Variants in STT3B observed in about 807,000 individuals in gnomAD.
The protein encoded by STT3B is dolichyl-diphosphooligosaccharide--protein glycosyltransferase subunit STT3B.
STT3B carries 29 observed loss-of-function variants against 96.8 expected under a neutral mutation model. The ratio of observed to expected loss-of-function variants is 0.30; its 90% CI spans 0.22 to 0.41. STT3B has a LOEUF of 0.41. Among genes scored for constraint, STT3B ranks in the 10% least tolerant of loss-of-function variants. The pLI, the probability that STT3B is intolerant of heterozygous loss-of-function variation, is 1.00. For synonymous variants in STT3B, 367 were observed against 360.0 expected (o/e 1.02, Z -0.22); for missense variants, 640 against 1,022.3 (o/e 0.63, Z 5.10).
chr3:31,624,670 C>CT (rs35298613), intron 11 of STT3B, among the ~76,000 whole-genome samples: 4,621 of 131,558 alleles, frequency 0.035, 100 homozygotes, highest in Middle Eastern at 0.1. Context: ...TCAGAATCGG[C>CT]TTTTTTTTTT....
rs142677107 is a variant in STT3B, at chr3:31,579,998, A to G, written c.613A>G (p.Ile205Val). The G allele has an allele frequency of 5.6e-6, 9 of 1,613,652 alleles. No individual in the cohort carries two copies. The highest frequency in any genetic ancestry group is 1.3e-5 in the African/African-American group (1 of 74,866). The change falls in exon 3 of 16, where the codon ATT becomes GTT. Residue 205 changes from isoleucine (I) to valine (V), a missense_variant. Physicochemically the swap from Ile to Val is conservative, Grantham distance 29. Around this residue, in one of 8 missense-constraint regions of STT3B, gnomAD observed 267 missense variants for 388.3 expected, o/e 0.69. Coordinates refer to ENST00000295770, the MANE Select transcript of STT3B (RefSeq NM_178862.3). ...AGCAGGACTTTTAGCTGCTTGTTTT[A>G]TTGCTATTGTACCAGGCTACATATC... ...QGAGLLAACFIAIVPGYISRS... is the reference protein window; with the variant it reads ...QGAGLLAACFVAIVPGYISRS...
At chr3:31,573,224 T>G (rs2125450630) in intron 1 of STT3B, among the ~76,000 whole-genome samples, 1 of 152,324 alleles carries the variant, frequency 6.6e-6, no homozygotes, top group South Asian at 2.1e-4. Context: ...GACCATTATG[T>G]TAAGAAGTGG....
chr3:31,566,484 A>C (rs535423464), intron 1 of STT3B, among the ~76,000 whole-genome samples: 1 of 152,210 alleles, frequency 6.6e-6, no homozygotes, highest in African/African-American at 2.4e-5. Context: ...TTTTAAAACA[A>C]TAATTGTGCA....
chr3:31,586,639 C>G (rs1414291427), intron 3 of STT3B, among the ~76,000 whole-genome samples: 1 of 152,012 alleles, frequency 6.6e-6, no homozygotes, highest in East Asian at 1.9e-4. Context: ...AAAGATTGTT[C>G]TTTCTCCACT....
chr3:31,566,866 G>T (rs1306208511), intron 1 of STT3B, among the ~76,000 whole-genome samples: 1 of 152,138 alleles, frequency 6.6e-6, no homozygotes, highest in Non-Finnish European at 1.5e-5. Flanking sequence ...TCTTTCCAGT[G>T]CTCTATTTCC....
At chr3:31,619,872 ATTTTTC>A (rs1699388685) in intron 9 of STT3B, 42 bp downstream of exon 9, 2 of 1,572,126 alleles carry the variant, frequency 1.3e-6, no homozygotes, top group African/African-American at 2.8e-5. Flanking sequence ...TGGAATAGTT[ATTTTTC>A]TTTTTGAGAT....
At chr3:31,631,136 T>G (rs778889670) in intron 14 of STT3B, among the ~76,000 whole-genome samples, 1 of 152,192 alleles carries the variant, frequency 6.6e-6, no homozygotes, top group Admixed American at 6.5e-5. Context: ...GTGGCTAATA[T>G]GGACTAGAAT....
At chr3:31,551,201 T>G (rs905699914) in intron 1 of STT3B, among the ~76,000 whole-genome samples, 1 of 150,708 alleles carries the variant, frequency 6.6e-6, no homozygotes, top group Non-Finnish European at 1.5e-5. Context: ...TTTGGGTGTT[T>G]TTTGTTTGTT....
At chr3:31,534,494 T>G (rs1458098719) in intron 1 of STT3B, among the ~76,000 whole-genome samples, 1 of 152,218 alleles carries the variant, frequency 6.6e-6, no homozygotes, top group African/African-American at 2.4e-5. Flanking sequence ...TCTTACTTCC[T>G]CACAGTTAGA....
intron 1 of STT3B, among the ~76,000 whole-genome samples, chr3:31,571,346 A>G (rs1698130686): frequency 6.6e-6 from 1 of 150,816 alleles, no homozygotes; most frequent in East Asian, 2.0e-4. Flanking sequence ...TTATGCCTTC[A>G]ATACTTTGGT....
rs938490341 is a variant in STT3B, at chr3:31,586,849, T to G, written c.711+6753T>G. Among the ~76,000 whole-genome samples, 4 of 152,280 alleles carry G rather than the reference T, an allele frequency of 2.6e-5. 1 individual carries two copies. The highest frequency in any genetic ancestry group is 1.9e-4 in the East Asian group (1 of 5,190). On this transcript the variant is annotated intron_variant, in intron 3 of 15. Coordinates refer to ENST00000295770, the MANE Select transcript of STT3B (RefSeq NM_178862.3). ...TTTTCAGAATTAATTTGGCTTTTTT[T>G]AGCTGTTTGCATCATGTAAATTTTA...
chr3:31,593,360 C>G (rs1333704403), intron 3 of STT3B, among the ~76,000 whole-genome samples: 1 of 148,654 alleles, frequency 6.7e-6, no homozygotes, highest in African/African-American at 2.5e-5. Context: ...TTTTTTCTTT[C>G]TCTTTTCAAC....
At chr3:31,582,095 C>A (rs1232813680) in intron 3 of STT3B, among the ~76,000 whole-genome samples, 3 of 152,196 alleles carry the variant, frequency 2.0e-5, no homozygotes, top group African/African-American at 7.2e-5. Context: ...CTTAATCTAG[C>A]CAAAGATTTG....
In STT3B at chr3:31,623,772, A is replaced by G. The variant is rs202122921; in HGVS notation, c.1638A>G (p.Leu546=). Residue 546 remains leucine (L), a synonymous_variant, in exon 11 of 16, where the codon CTA becomes CTG. Coordinates refer to ENST00000295770, the MANE Select transcript of STT3B (RefSeq NM_178862.3). The part of the protein sequence containing the change: ...KSIVTMLMLM[L]LMMFAVHCTW... ...TTGTCACCATGTTGATGCTGATGCTATTGATGATGTTTGCTGTCCACTGTA... is the reference window on the plus strand; with the variant it reads ...TTGTCACCATGTTGATGCTGATGCTGTTGATGATGTTTGCTGTCCACTGTA... 53 of 1,614,108 alleles carry G rather than the reference A, an allele frequency of 3.3e-5. No individual in the cohort carries two copies. In the Admixed American group the frequency reaches 4.5e-4, roughly 14 times the overall value.
chr3:31,603,306 CAT>C (rs1446697566), intron 5 of STT3B, among the ~76,000 whole-genome samples: 10 of 151,860 alleles, frequency 6.6e-5, no homozygotes, highest in African/African-American at 2.4e-4. Context: ...AGTTTATTCA[CAT>C]GTGGAAAAGG....
intron 1 of STT3B, among the ~76,000 whole-genome samples, chr3:31,563,111 C>T (rs1241305537): frequency 1.3e-5 from 2 of 152,108 alleles, no homozygotes; most frequent in Admixed American, 6.5e-5. Flanking sequence ...CCCTCTTTTT[C>T]CTTGCTTTTG....
chr3:31,593,369 A>G (rs184369619), intron 3 of STT3B, among the ~76,000 whole-genome samples: 6 of 149,390 alleles, frequency 4.0e-5, no homozygotes, highest in South Asian at 2.1e-4. Flanking sequence ...TCTCTTTTCA[A>G]CTTTTCCTCT....
intron 5 of STT3B, among the ~76,000 whole-genome samples, chr3:31,606,048 T>A (rs1461920331): frequency 6.6e-6 from 1 of 152,192 alleles, no homozygotes; most frequent in African/African-American, 2.4e-5. Context: ...GCCCTAGAGA[T>A]TTGTGGAACT....
chr3:31,551,718 T>C (rs550735561), intron 1 of STT3B, among the ~76,000 whole-genome samples: 1 of 152,188 alleles, frequency 6.6e-6, no homozygotes, highest in African/African-American at 2.4e-5. Flanking sequence ...GCCTGTTAAT[T>C]GATAGTCTTT....
Sources: gnomAD v4.1 joint callset for allele counts (sites outside exome capture counted in the v4.1 genomes callset) on GRCh38, gnomAD v4.1.1 for gene constraint, gnomAD v4.1.1 regional missense constraint, MANE v1.5 for transcripts, NCBI Gene and HGNC (gene_info 2026-07-23, HGNC 2026-07-21) for gene names.